The following FAM184A variants were observed in gnomAD, a reference collection of about 807,000 sequenced individuals.
FAM184A encodes the protein protein FAM184A.
In FAM184A, 99 loss-of-function variants were observed where a neutral mutation model predicts 143.8. That is an observed-to-expected ratio of 0.69 (90% CI 0.58 to 0.81). The LOEUF (loss-of-function observed/expected upper bound fraction) is 0.81. FAM184A is among the 40% of genes least tolerant of loss of function. FAM184A has a pLI of 0.00. For synonymous variants in FAM184A, 427 were observed against 446.4 expected (o/e 0.96, Z 0.55); for missense variants, 1,217 against 1,310.5 (o/e 0.93, Z 1.10).
At chr6:119,132,194 A>G (rs1426618011) in intron 1 of FAM184A, among the ~76,000 whole-genome samples, 1 of 152,198 alleles carries the variant, frequency 6.6e-6, no homozygotes, top group Non-Finnish European at 1.5e-5. Context: ...AATGATATTG[A>G]GTGTCAGAAT....
intron 10 of FAM184A, among the ~76,000 whole-genome samples, 169 bp downstream of exon 10, chr6:118,979,969 G>A (rs1284018797): frequency 1.3e-5 from 2 of 152,092 alleles, no homozygotes; most frequent in Non-Finnish European, 1.5e-5. Context: ...AAAATCACGA[G>A]TCTAGGAAGT....
rs1052142306 is a variant in FAM184A at position 119,141,664 on chromosome 6, A to T, written c.-202+7414T>A. Among the ~76,000 whole-genome samples, 5 of 151,888 alleles carry T rather than the reference A, an allele frequency of 3.3e-5. No individual in the cohort carries two copies. The East Asian group carries it at 7.7e-4, about 24-fold the overall frequency. ...GCTAGTTTTTGTATTTTTAGTAGAG[A>T]TGAGGTGTCACCATGTTGGCCAGGC... On this transcript the variant is annotated intron_variant, in intron 1 of 16. Coordinates refer to the FAM184A transcript ENST00000352896.
intron 7 of FAM184A, chr6:119,006,010 C>CT (rs1324579939): frequency 4.3e-6 from 3 of 700,154 alleles, no homozygotes; most frequent in Non-Finnish European, 5.3e-6. Flanking sequence ...CAGAATGTGA[C>CT]TTTATTTGGA....
intron 1 of FAM184A, among the ~76,000 whole-genome samples, chr6:119,057,169 T>C (rs1331094913): frequency 6.6e-6 from 1 of 152,184 alleles, no homozygotes; most frequent in Non-Finnish European, 1.5e-5. Flanking sequence ...ACACTATTAC[T>C]AATGAAGTAA....
At chr6:118,986,809 C>G (rs762407870) in intron 9 of FAM184A, among the ~76,000 whole-genome samples, 4 of 152,044 alleles carry the variant, frequency 2.6e-5, no homozygotes, top group Non-Finnish European at 5.9e-5. Context: ...TCCCAATTAG[C>G]ACATATGTCA....
rs572933555 is a variant in FAM184A at position 119,111,531 on chromosome 6, T to C, written c.-202+37547A>G. On this transcript the variant is annotated intron_variant, in intron 1 of 16. Coordinates refer to the FAM184A transcript ENST00000352896. ...AATGGCAAAAGATAATTTTTTAAAA[T>C]GTTGAATTTCCAGGGAAGTGAGGAA... is the stretch of plus-strand genomic sequence containing the variant. Among the ~76,000 whole-genome samples the C allele has an allele frequency of 1.4e-4, 22 of 152,314 alleles. 1 individual carries two copies. Among genetic ancestry groups the C allele is most frequent in the South Asian group, 1.0e-3 (5 of 4,832 alleles).
intron 9 of FAM184A, among the ~76,000 whole-genome samples, chr6:118,997,173 G>C (rs1784592832): frequency 6.6e-6 from 1 of 151,590 alleles, no homozygotes; most frequent in African/African-American, 2.4e-5. Context: ...GGCAGAGGTG[G>C]ACAGATCACT....
chr6:119,071,549 A>C (rs1209057216), intron 1 of FAM184A, among the ~76,000 whole-genome samples: 1 of 152,248 alleles, frequency 6.6e-6, no homozygotes, highest in African/African-American at 2.4e-5. Context: ...AAAGTTCCAC[A>C]GTAAGTATAC....
intron 1 of FAM184A, among the ~76,000 whole-genome samples, chr6:119,117,497 C>T (rs1789090911): frequency 1.3e-5 from 2 of 152,204 alleles, no homozygotes; most frequent in African/African-American, 4.8e-5. Context: ...CTAACCCAGG[C>T]GGCCTCTTCC....
chr6:118,966,335 A>G (rs1783499875), intron 15 of FAM184A, among the ~76,000 whole-genome samples: 1 of 152,190 alleles, frequency 6.6e-6, no homozygotes, highest in Non-Finnish European at 1.5e-5. Flanking sequence ...CGTCCAAGAG[A>G]AAGCATGCAA....
At chr6:119,108,508 A>G (rs761611419) in intron 1 of FAM184A, among the ~76,000 whole-genome samples, 2 of 152,074 alleles carry the variant, frequency 1.3e-5, no homozygotes, top group Non-Finnish European at 2.9e-5. Context: ...CCGAAATTCC[A>G]TGATGGTGTA....
intron 1 of FAM184A, among the ~76,000 whole-genome samples, chr6:119,099,907 A>G (rs1788598160): frequency 1.3e-5 from 2 of 152,238 alleles, no homozygotes; most frequent in South Asian, 2.1e-4. Flanking sequence ...AATGGAACCC[A>G]GAACCAGGAT....
chr6:119,077,655 G>A (rs1787921365), intron 1 of FAM184A, among the ~76,000 whole-genome samples: 1 of 152,100 alleles, frequency 6.6e-6, no homozygotes, highest in South Asian at 2.1e-4. Flanking sequence ...GCCCCAAATT[G>A]GCACTCAAGG....
At chr6:119,106,553 T>C (rs1367527223) in intron 1 of FAM184A, among the ~76,000 whole-genome samples, 1 of 152,256 alleles carries the variant, frequency 6.6e-6, no homozygotes, top group Non-Finnish European at 1.5e-5. Context: ...GGCTATGCCA[T>C]CAGGCTATTA....
At chr6:119,017,191 T>G (rs1785286690) in intron 4 of FAM184A, among the ~76,000 whole-genome samples, 1 of 152,162 alleles carries the variant, frequency 6.6e-6, no homozygotes, top group Non-Finnish European at 1.5e-5. Context: ...AGTTAATACA[T>G]CTGCAAGCTT....
rs1360277446 is a variant in FAM184A, at chr6:119,078,432, G to A, written c.-133C>T. 1.6e-5 allele frequency: 15 copies of A among 940,814 alleles called. No individual in the cohort carries two copies. The East Asian group carries it at 4.0e-4, about 25-fold the overall frequency. 58.3% of individuals were successfully genotyped at this position (940,814 alleles called of 1,614,324 possible). A position where few individuals can be genotyped will look rare whatever the true frequency, so the allele number is the denominator to read the frequency against. Reference sequence around the variant, plus strand: ...CACCCGGCGCCCCCCAGACTCGGCCGCAGGCGCCGTCCCACCCGCGACCCC... The same window carrying A: ...CACCCGGCGCCCCCCAGACTCGGCCACAGGCGCCGTCCCACCCGCGACCCC... On this transcript the variant is annotated 5_prime_UTR_variant, in exon 1 of 18. Coordinates refer to ENST00000338891, the MANE Select transcript of FAM184A (RefSeq NM_024581.6). The surrounding 1 kb of genome is among the most constrained non-coding windows in gnomAD (Gnocchi z 5.5).
chr6:118,980,759 G>A (rs2114583036), intron 9 of FAM184A, among the ~76,000 whole-genome samples: 1 of 152,258 alleles, frequency 6.6e-6, no homozygotes, highest in Admixed American at 6.5e-5. Flanking sequence ...AAGTGAAATA[G>A]GAGTGTGAGC....
chr6:119,068,533 TA>T (rs1787553764), intron 1 of FAM184A, among the ~76,000 whole-genome samples: 1 of 152,170 alleles, frequency 6.6e-6, no homozygotes, highest in African/African-American at 2.4e-5. Flanking sequence ...CCTGAGTGGT[TA>T]AAATATGTAT....
chr6:119,055,027 C>T (rs1401777037), intron 1 of FAM184A, among the ~76,000 whole-genome samples: 2 of 152,130 alleles, frequency 1.3e-5, no homozygotes, highest in Non-Finnish European at 2.9e-5. Context: ...GGAAACACCA[C>T]AGCCATCAGC....
Sources: allele counts gnomAD v4.1 joint callset (sites outside exome capture counted in the v4.1 genomes callset), GRCh38; gene constraint gnomAD v4.1.1; non-coding constraint Gnocchi (gnomAD v3.1); transcripts MANE v1.5; gene names NCBI Gene and HGNC (gene_info 2026-07-23, HGNC 2026-07-21).